The following EML1 variants were observed in gnomAD, a reference collection of about 807,000 sequenced individuals.
EML1 encodes EMAP like 1.
Under a neutral mutation model 110.4 loss-of-function variants are expected in EML1, and 27 were observed. That is an observed-to-expected ratio of 0.24 (90% CI 0.18 to 0.34). The LOEUF (loss-of-function observed/expected upper bound fraction) is 0.34. EML1 is among the 10% of genes least tolerant of loss of function. The probability of loss-of-function intolerance (pLI) is 1.00; values close to 1 mark genes in which losing one functional copy is unlikely to be tolerated. For missense variants in EML1, 741 were observed against 1,030.9 expected, an observed-to-expected ratio of 0.72 and a Z score of 3.85; for synonymous variants, 344 against 385.8, an observed-to-expected ratio of 0.89 and a Z score of 1.27.
At chr14:99,807,816 T>C (rs1321751572) in intron 1 of EML1, among the ~76,000 whole-genome samples, 1 of 152,212 alleles carries the variant, frequency 6.6e-6, no homozygotes, top group East Asian at 1.9e-4. Flanking sequence ...TAGTAGTAAG[T>C]GTCACCTTAG....
Position 99,753,678 on chromosome 14 carries a change from C to T in EML1, c.28+15818C>T, listed in dbSNP as rs566330303. 2.6e-5 allele frequency among the ~76,000 whole-genome samples: 4 copies of T among 152,262 alleles called. No individual in the cohort carries two copies. The South Asian group carries it at 8.3e-4, about 32-fold the overall frequency. On this transcript the variant is annotated intron_variant, in intron 1 of 10. Coordinates refer to the EML1 transcript ENST00000554479. ...GAGCGTCTGAGGGCAGGGTCGGTGT[C>T]TGAGTCATCTCTACCCCAGCCCTGG...
chr14:99,769,014 G>A (rs1281019448), upstream of EML1, among the ~76,000 whole-genome samples: 1 of 152,096 alleles, frequency 6.6e-6, no homozygotes, highest in African/African-American at 2.4e-5. Context: ...CACCACGCCT[G>A]GCCTGCTTGT....
intron 4 of EML1, chr14:99,886,019 C>A: frequency 2.8e-6 from 1 of 362,814 alleles, no homozygotes; most frequent in South Asian, 2.1e-5. Flanking sequence ...GCTTTTGTCC[C>A]AAATAAAGTC....
intron 1 of EML1, among the ~76,000 whole-genome samples, chr14:99,786,669 AGAG>A (rs1220483383): frequency 2.6e-5 from 4 of 152,248 alleles, no homozygotes; most frequent in African/African-American, 9.6e-5. Flanking sequence ...AGAGTCGCGA[AGAG>A]GAGCTTTCGG....
At chr14:99,799,586 A>T (rs377463120) in intron 1 of EML1, among the ~76,000 whole-genome samples, 2 of 152,220 alleles carry the variant, frequency 1.3e-5, no homozygotes, top group Non-Finnish European at 1.5e-5. Context: ...GAGAATTTCT[A>T]ATTAGTATAC....
chr14:99,858,753 T>A (rs540282002), intron 2 of EML1, among the ~76,000 whole-genome samples: 1 of 152,358 alleles, frequency 6.6e-6, no homozygotes, highest in South Asian at 2.1e-4. Flanking sequence ...AATCATCTAC[T>A]TTGTCTTATA....
At chr14:99,863,707 G>A (rs984021389) in intron 2 of EML1, among the ~76,000 whole-genome samples, 1 of 152,126 alleles carries the variant, frequency 6.6e-6, no homozygotes, top group African/African-American at 2.4e-5. Context: ...TGTATGGATG[G>A]GTCAGTTTGT....
At chr14:99,792,160 C>T (rs370175536), upstream of EML1, among the ~76,000 whole-genome samples, 2 of 152,242 alleles carry the variant, frequency 1.3e-5, no homozygotes, top group African/African-American at 4.8e-5. Context: ...CTGCCATCTA[C>T]TGATGTCCAA....
At chr14:99,764,234 C>T (rs1019355938) in intron 1 of EML1, among the ~76,000 whole-genome samples, 3 of 152,248 alleles carry the variant, frequency 2.0e-5, no homozygotes, top group African/African-American at 7.2e-5. Context: ...CCTCCCCCAG[C>T]TCACAGAGGT....
intron 17 of EML1, among the ~76,000 whole-genome samples, chr14:99,934,422 G>A (rs927088431): frequency 6.6e-6 from 1 of 152,240 alleles, no homozygotes; most frequent in Admixed American, 6.5e-5. Context: ...CCTGGCCTAG[G>A]CCAACACTTC....
intron 17 of EML1, among the ~76,000 whole-genome samples, chr14:99,931,075 C>T (rs930926325): frequency 6.6e-6 from 1 of 152,202 alleles, no homozygotes; most frequent in African/African-American, 2.4e-5. Flanking sequence ...CAACCCCTGC[C>T]ACCCAGCCAA....
intron 1 of EML1, among the ~76,000 whole-genome samples, chr14:99,746,701 C>CCCTCCACGCAGCCCAGGGCCT (rs1429380228): frequency 6.6e-6 from 1 of 152,038 alleles, no homozygotes; most frequent in African/African-American, 2.4e-5. Context: ...GCCCTGGGCC[C>CCCTCCACGCAGCCCAGGGCCT]CCTCCACGCA....
chr14:99,893,254 G>T (rs554111728), intron 5 of EML1, among the ~76,000 whole-genome samples: 1 of 35,098 alleles, frequency 2.8e-5, no homozygotes, highest in African/African-American at 1.2e-4. Context: ...ATGGAGGAAG[G>T]GCTCCGTAAA....
Position 99,843,053 on chromosome 14 carries a change from A to G in EML1, c.68-7800A>G, listed in dbSNP as rs186723377. ...ATAATCGCTTGAGGCTAGGAGTTCAAGACCAGCCTGTGCAACATAATGAGA... is the reference window on the plus strand; with the variant it reads ...ATAATCGCTTGAGGCTAGGAGTTCAGGACCAGCCTGTGCAACATAATGAGA... On this transcript the variant is annotated intron_variant, in intron 1 of 21. Coordinates refer to ENST00000262233, the MANE Select transcript of EML1 (RefSeq NM_004434.3). Among the ~76,000 whole-genome samples, 16 of 152,290 alleles carry G rather than the reference A, an allele frequency of 1.1e-4. No individual in the cohort carries two copies. In the East Asian group the frequency reaches 3.1e-3, roughly 29 times the overall value.
chr14:99,757,667 T>G (rs1215075633), intron 1 of EML1, among the ~76,000 whole-genome samples: 2 of 152,218 alleles, frequency 1.3e-5, no homozygotes, highest in East Asian at 3.8e-4. Flanking sequence ...AATGAATCAC[T>G]GTCTTGGGTT....
chr14:99,877,833 C>T (rs994183330), intron 3 of EML1, among the ~76,000 whole-genome samples: 4 of 152,282 alleles, frequency 2.6e-5, no homozygotes, highest in Middle Eastern at 3.4e-3. Flanking sequence ...GGTCTCCACC[C>T]ACTACATGGC....
intron 17 of EML1, among the ~76,000 whole-genome samples, chr14:99,926,843 A>G (rs557480673): frequency 1.3e-5 from 2 of 151,984 alleles, no homozygotes; most frequent in South Asian, 4.2e-4. Flanking sequence ...CCTCAAGCTC[A>G]AGCAATCCTC....
At chr14:99,774,329 C>T (rs2057458971) in intron 1 of EML1, among the ~76,000 whole-genome samples, 6 of 152,210 alleles carry the variant, frequency 3.9e-5, no homozygotes. Flanking sequence ...CCACGCTCCT[C>T]ACCACATTGT....
At chr14:99,817,399 G>T (rs1211756661) in intron 1 of EML1, among the ~76,000 whole-genome samples, 1 of 152,180 alleles carries the variant, frequency 6.6e-6, no homozygotes, top group African/African-American at 2.4e-5. Flanking sequence ...GTCATCAAAG[G>T]CCTTTGTATA....
Sources: gnomAD v4.1 joint callset for allele counts (sites outside exome capture counted in the v4.1 genomes callset) on GRCh38, gnomAD v4.1.1 for gene constraint, MANE v1.5 for transcripts, NCBI Gene and HGNC (gene_info 2026-07-23, HGNC 2026-07-21) for gene names.